The following GNAO1 variants were observed in gnomAD, a reference collection of about 807,000 sequenced individuals.
GNAO1 encodes the protein G protein subunit alpha o1.
For synonymous variants in GNAO1, 164 were observed against 180.7 expected (o/e 0.91, Z 0.74); for missense variants, 166 against 478.7 (o/e 0.35, Z 6.10).
At chr16:56,272,673 T>C (rs1596834704) in intron 2 of GNAO1, among the ~76,000 whole-genome samples, 1 of 152,216 alleles carries the variant, frequency 6.6e-6, no homozygotes, top group Non-Finnish European at 1.5e-5. Flanking sequence ...CTGAGAGATA[T>C]TGGGGCAATT....
chr16:56,282,245 G>A (rs192970797), intron 3 of GNAO1, among the ~76,000 whole-genome samples: 1 of 152,308 alleles, frequency 6.6e-6, no homozygotes, highest in East Asian at 1.9e-4. Flanking sequence ...CTGTAAAATA[G>A]TAATGATCCT....
chr16:56,195,789 C>G (rs181029865), intron 2 of GNAO1, among the ~76,000 whole-genome samples: 2 of 152,328 alleles, frequency 1.3e-5, no homozygotes, highest in African/African-American at 4.8e-5. Context: ...CTGAATAAAA[C>G]TCCTTTTATT....
intron 3 of GNAO1, among the ~76,000 whole-genome samples, chr16:56,299,135 A>G (rs997031310): frequency 6.6e-6 from 1 of 152,218 alleles, no homozygotes; most frequent in Non-Finnish European, 1.5e-5. Flanking sequence ...CACAGCTGAC[A>G]GATGGCAGAG....
At chr16:56,306,311 C>G (rs3790099) in intron 3 of GNAO1, among the ~76,000 whole-genome samples, 26,865 of 152,186 alleles carry the variant, frequency 0.18, 2,661 homozygotes, top group East Asian at 0.4. Context: ...TGGGAAATCC[C>G]CTTCATCGTT....
At chr16:56,219,522 AAG>A (rs1460994200) in intron 2 of GNAO1, among the ~76,000 whole-genome samples, 5 of 152,202 alleles carry the variant, frequency 3.3e-5, no homozygotes, top group African/African-American at 9.6e-5. Flanking sequence ...GGGTTTTTAA[AAG>A]AGTTTTTTTT....
intron 3 of GNAO1, among the ~76,000 whole-genome samples, chr16:56,286,561 G>GCTCC (rs2143547612): frequency 6.6e-6 from 1 of 152,188 alleles, no homozygotes; most frequent in Admixed American, 6.5e-5. Context: ...GAGGAAAATG[G>GCTCC]CTCCAGCAGC....
At chr16:56,265,510 A>G (rs1697674121) in intron 2 of GNAO1, among the ~76,000 whole-genome samples, 1 of 152,242 alleles carries the variant, frequency 6.6e-6, no homozygotes, top group Non-Finnish European at 1.5e-5. Context: ...CATTTTAGGG[A>G]AAATAATACT....
intron 2 of GNAO1, among the ~76,000 whole-genome samples, chr16:56,200,658 A>C (rs1206685670): frequency 6.6e-6 from 1 of 152,184 alleles, no homozygotes; most frequent in Non-Finnish European, 1.5e-5. Flanking sequence ...GACCACCCCC[A>C]GTATGGGCAG....
At chr16:56,259,514 G>A (rs1479839719) in intron 2 of GNAO1, among the ~76,000 whole-genome samples, 1 of 152,248 alleles carries the variant, frequency 6.6e-6, no homozygotes, top group Non-Finnish European at 1.5e-5. Context: ...TGGGACAGTT[G>A]TCTCAGCATT....
chr16:56,319,705 G>A (rs552522982), intron 3 of GNAO1, among the ~76,000 whole-genome samples: 132 of 152,190 alleles, frequency 8.7e-4, no homozygotes, highest in Non-Finnish European at 1.4e-3. Flanking sequence ...TGCCAGTTCC[G>A]GAGCATCACT....
At chr16:56,251,294 T>A (rs755886563) in intron 2 of GNAO1, among the ~76,000 whole-genome samples, 3 of 152,224 alleles carry the variant, frequency 2.0e-5, no homozygotes, top group Non-Finnish European at 4.4e-5. Flanking sequence ...TCCAGTGAAG[T>A]TGCCCATTAC....
intron 2 of GNAO1, among the ~76,000 whole-genome samples, chr16:56,201,643 G>A (rs1465218379): frequency 6.6e-6 from 1 of 152,218 alleles, no homozygotes; most frequent in African/African-American, 2.4e-5. Flanking sequence ...GGTAGTGTGG[G>A]TGGGGAAAGG....
chr16:56,306,589 C>G (rs2037398924), intron 3 of GNAO1, among the ~76,000 whole-genome samples: 1 of 152,190 alleles, frequency 6.6e-6, no homozygotes, highest in South Asian at 2.1e-4. Context: ...AGACCAGCCT[C>G]CAGTCACTGC....
chr16:56,214,578 A>T (rs1289942901), intron 2 of GNAO1, among the ~76,000 whole-genome samples: 2 of 152,352 alleles, frequency 1.3e-5, no homozygotes, highest in East Asian at 1.9e-4. Flanking sequence ...TTTTAAAAAG[A>T]CACTAAAAAT....
At chr16:56,320,312 C>T (rs2037557988) in intron 3 of GNAO1, among the ~76,000 whole-genome samples, 1 of 152,176 alleles carries the variant, frequency 6.6e-6, no homozygotes, top group African/African-American at 2.4e-5. Context: ...CGTGTATACT[C>T]GTCCACTGGG....
intron 2 of GNAO1, among the ~76,000 whole-genome samples, chr16:56,244,170 G>A (rs2036720606): frequency 1.3e-5 from 2 of 152,148 alleles, no homozygotes; most frequent in African/African-American, 4.8e-5. Context: ...CTTGAGTGTA[G>A]GCACGTAAAT....
intron 6 of GNAO1, chr16:56,345,264 G>A: frequency 1.0e-6 from 1 of 985,534 alleles, no homozygotes; most frequent in Non-Finnish European, 1.2e-6. Flanking sequence ...TCGTGTGCTT[G>A]TACAGCAGGC....
At chr16:56,216,081 G>A (rs979482927) in intron 2 of GNAO1, among the ~76,000 whole-genome samples, 1 of 152,144 alleles carries the variant, frequency 6.6e-6, no homozygotes, top group East Asian at 1.9e-4. Flanking sequence ...CAGGGTTGTA[G>A]TGCTAAGTGC....
At position 56,191,968 on chromosome 16, in the gene GNAO1, G is replaced by A. The variant is rs1773723005; in HGVS notation, c.-268G>A. The A allele has an allele frequency of 1.9e-6, 1 of 515,248 alleles. No homozygotes were observed. Among genetic ancestry groups the A allele is most frequent in the Non-Finnish European group, 3.4e-6 (1 of 291,516 alleles). 31.9% of individuals were successfully genotyped at this position (515,248 alleles called of 1,614,324 possible). A position where few individuals can be genotyped will look rare whatever the true frequency, so the allele number is the denominator to read the frequency against. On this transcript the variant is annotated 5_prime_UTR_variant, in exon 1 of 9. Transcript: ENST00000262493. The surrounding 1 kb of genome is among the most constrained non-coding windows in gnomAD (Gnocchi z 4.7). ...TCGGCCCGCGGGCGCCTCCTCCCTT[G>A]GCTCCGGAGCCCCAGACCCCGGCCA...
Sources: allele counts gnomAD v4.1 joint callset (sites outside exome capture counted in the v4.1 genomes callset), GRCh38; gene constraint gnomAD v4.1.1; non-coding constraint Gnocchi (gnomAD v3.1); transcripts MANE v1.5; gene names NCBI Gene and HGNC (gene_info 2026-07-23, HGNC 2026-07-21).